The following CPNE8 variants were observed in gnomAD, a reference collection of about 807,000 sequenced individuals.
CPNE8 encodes the protein copine 8.
CPNE8 carries 45 observed loss-of-function variants against 81.5 expected under a neutral mutation model. That is an observed-to-expected ratio of 0.55 (90% CI 0.44 to 0.71). The LOEUF (loss-of-function observed/expected upper bound fraction) is 0.71, where lower values mean the gene tolerates loss of function less well. CPNE8 is among the 30% of genes least tolerant of loss of function. The probability of loss-of-function intolerance (pLI) is 0.00; values close to 1 mark genes in which losing one functional copy is unlikely to be tolerated. For missense variants in CPNE8, 594 were observed against 672.1 expected (o/e 0.88, Z 1.28); for synonymous variants, 252 against 226.3 (o/e 1.11, Z -1.02).
chr12:38,695,319 T>C (rs773744324), intron 14 of CPNE8, among the ~76,000 whole-genome samples: 3 of 152,210 alleles, frequency 2.0e-5, no homozygotes, highest in South Asian at 2.1e-4. Context: ...CGTGAGAAGA[T>C]AGAAGCCTAA....
chr12:38,670,728 C>T lies in CPNE8; in HGVS notation c.1506+1G>A, dbSNP rs151019454. ...AAAGTAGGAAAAGGTTTATTTCTTACCTGCACAATGTCTCTTTCAGCATAT... is the reference window on the plus strand; with the variant it reads ...AAAGTAGGAAAAGGTTTATTTCTTATCTGCACAATGTCTCTTTCAGCATAT... On this transcript the variant is annotated splice_donor_variant, in intron 19 of 19. Transcript: ENST00000331366. LOFTEE classifies it high-confidence loss of function. The T allele has an allele frequency of 6.3e-7, 1 of 1,599,052 alleles. No homozygotes were observed. The highest frequency in any genetic ancestry group is 1.3e-5 in the African/African-American group (1 of 74,460).
At chr12:38,799,984 C>T (rs1942616714) in intron 6 of CPNE8, among the ~76,000 whole-genome samples, 1 of 147,268 alleles carries the variant, frequency 6.8e-6, no homozygotes, top group Non-Finnish European at 1.5e-5. Flanking sequence ...GACTGTATCC[C>T]ACACCTGGCT....
intron 6 of CPNE8, among the ~76,000 whole-genome samples, chr12:38,777,530 A>G (rs1267570580): frequency 6.6e-6 from 1 of 152,190 alleles, no homozygotes; most frequent in East Asian, 1.9e-4. Context: ...ACAGTAGTAT[A>G]ATGTCTCAGG....
At chr12:38,721,755 G>C (rs924776724) in intron 13 of CPNE8, among the ~76,000 whole-genome samples, 1 of 152,198 alleles carries the variant, frequency 6.6e-6, no homozygotes, top group Non-Finnish European at 1.5e-5. Flanking sequence ...TTCCTTTTTG[G>C]TGTCCTGCAG....
chr12:38,869,637 C>T (rs1943962117), intron 3 of CPNE8, among the ~76,000 whole-genome samples: 1 of 152,130 alleles, frequency 6.6e-6, no homozygotes, highest in Non-Finnish European at 1.5e-5. Context: ...GCATTTCGCA[C>T]TTCCTTTCTA....
chr12:38,758,393 T>C (rs539869376), intron 10 of CPNE8, among the ~76,000 whole-genome samples: 1 of 152,316 alleles, frequency 6.6e-6, no homozygotes, highest in East Asian at 1.9e-4. Context: ...AGATTGTTTC[T>C]TAAATTTTCC....
intron 3 of CPNE8, among the ~76,000 whole-genome samples, chr12:38,867,353 A>G (rs974098722): frequency 6.6e-6 from 1 of 151,540 alleles, no homozygotes; most frequent in Non-Finnish European, 1.5e-5. Flanking sequence ...AGAGAGAGAG[A>G]GAGAGAGAGA....
At chr12:38,855,434 A>G (rs1159868946) in intron 3 of CPNE8, among the ~76,000 whole-genome samples, 2 of 152,142 alleles carry the variant, frequency 1.3e-5, no homozygotes, top group African/African-American at 4.8e-5. Flanking sequence ...GACAAAAAAG[A>G]ACAAAGCTGA....
intron 8 of CPNE8, among the ~76,000 whole-genome samples, chr12:38,766,307 G>A (rs776647787): frequency 6.6e-6 from 1 of 152,198 alleles, no homozygotes; most frequent in Non-Finnish European, 1.5e-5. Flanking sequence ...CAGGGAGCAA[G>A]TAGTTCATAA....
At chr12:38,880,906 A>C (rs1489301258) in intron 1 of CPNE8, among the ~76,000 whole-genome samples, 1 of 152,084 alleles carries the variant, frequency 6.6e-6, no homozygotes, top group Admixed American at 6.5e-5. Context: ...GGCAAAAAGG[A>C]AAGGTTTAGA....
intron 10 of CPNE8, among the ~76,000 whole-genome samples, chr12:38,741,871 A>G (rs1315784844): frequency 3.3e-5 from 5 of 152,238 alleles, no homozygotes; most frequent in Non-Finnish European, 1.5e-5. Context: ...AAGGATATGA[A>G]CAGACACTTC....
At chr12:38,795,825 CT>C (rs1354489768) in intron 6 of CPNE8, among the ~76,000 whole-genome samples, 1 of 150,102 alleles carries the variant, frequency 6.7e-6, no homozygotes, top group Non-Finnish European at 1.5e-5. Flanking sequence ...CACTACTAAA[CT>C]GTACACTTAA....
At chr12:38,885,034 C>T (rs1242460169) in intron 1 of CPNE8, among the ~76,000 whole-genome samples, 1 of 151,694 alleles carries the variant, frequency 6.6e-6, no homozygotes, top group African/African-American at 2.4e-5. Context: ...AATCATCAAC[C>T]ACAATCAATT....
At position 38,848,538 on chromosome 12, in the gene CPNE8, G is replaced by A. The variant is rs61937837; in HGVS notation, c.290+21C>T. The A allele has an allele frequency of 5.4e-3, 8,377 of 1,551,684 alleles. 37 individuals carry two copies. Among genetic ancestry groups the A allele is most frequent in the Middle Eastern group, 0.023 (135 of 5,806 alleles). On this transcript the variant is annotated intron_variant, in intron 4 of 19. Transcript: ENST00000331366. ...TCTTTAAAATCAAATTTTTCTAAAC[G>A]CAAGTTTTAGTAGAACTTACAAGTC... is the stretch of plus-strand genomic sequence containing the variant.
At chr12:38,799,207 C>T (rs1942590019) in intron 6 of CPNE8, among the ~76,000 whole-genome samples, 1 of 152,136 alleles carries the variant, frequency 6.6e-6, no homozygotes. Flanking sequence ...ACCTAATAGA[C>T]ATCTACAGAA....
At position 38,687,370 on chromosome 12, in the gene CPNE8, C is replaced by CTTTTTTTTTTTTTTTTTTTT. The variant is rs35643732; in HGVS notation, c.1144-1754_1144-1753insAAAAAAAAAAAAAAAAAAAA. 2.1e-5 allele frequency among the ~76,000 whole-genome samples: 2 copies of CTTTTTTTTTTTTTTTTTTTT among 95,494 alleles called. 1 individual carries two copies. The allele number at this position is 95,494 out of a possible 152,430, so 62.6% of individuals were successfully genotyped here. ...GCTACCAAATTACGAAATGCCAAGA[C>CTTTTTTTTTTTTTTTTTTTT]TTTCTTTTTTTTTTTTTTTTTTTTT... is the stretch of plus-strand genomic sequence containing the variant. On this transcript the variant is annotated intron_variant, in intron 15 of 19. Coordinates refer to ENST00000331366, the MANE Select transcript of CPNE8 (RefSeq NM_153634.3).
At chr12:38,720,184 G>T (rs1419568837) in intron 13 of CPNE8, among the ~76,000 whole-genome samples, 2 of 152,184 alleles carry the variant, frequency 1.3e-5, no homozygotes. Flanking sequence ...TTCCTGCACA[G>T]GCAGTGCTAT....
chr12:38,696,181 T>C (rs574108628), intron 14 of CPNE8, among the ~76,000 whole-genome samples: 101 of 152,292 alleles, frequency 6.6e-4, no homozygotes, highest in African/African-American at 2.3e-3. Flanking sequence ...CATCTTCCTC[T>C]ACACCAGTCT....
chr12:38,666,535 TG>T (rs1939059920), intron 19 of CPNE8, among the ~76,000 whole-genome samples: 10 of 152,090 alleles, frequency 6.6e-5, no homozygotes, highest in Admixed American at 6.6e-4. Flanking sequence ...AGGCTATACG[TG>T]GAGAAATTTG....
Sources: allele counts gnomAD v4.1 joint callset (sites outside exome capture counted in the v4.1 genomes callset), GRCh38; gene constraint gnomAD v4.1.1; transcripts MANE v1.5; gene names NCBI Gene and HGNC (gene_info 2026-07-23, HGNC 2026-07-21).